CSMD3: variants seen among roughly 807,000 people sequenced by gnomAD.
CSMD3 encodes the protein CUB and Sushi multiple domains 3, also known as CUB and sushi domain-containing protein 3.
A neutral mutation model predicts 435.2 loss-of-function variants in CSMD3; 177 were observed. The observed-to-expected ratio is 0.41, with a 90% confidence interval of 0.36 to 0.46. The LOEUF (loss-of-function observed/expected upper bound fraction) is 0.46, where lower values mean the gene tolerates loss of function less well. CSMD3 is among the 20% of genes least tolerant of loss of function. The pLI, the probability that CSMD3 is intolerant of heterozygous loss-of-function variation, is 0.34. For synonymous variants in CSMD3, 1,656 were observed against 1,520.5 expected (o/e 1.09, Z -2.07); for missense variants, 4,265 against 4,504.6 (o/e 0.95, Z 1.52).
chr8:112,707,123 C>G (rs191717259), intron 13 of CSMD3, among the ~76,000 whole-genome samples: 1 of 151,722 alleles, frequency 6.6e-6, no homozygotes, highest in African/African-American at 2.4e-5. Flanking sequence ...TTTGAAAGAA[C>G]CTTAACTGCA....
chr8:113,336,132 A>G (rs2094072475), intron 1 of CSMD3, among the ~76,000 whole-genome samples: 1 of 151,664 alleles, frequency 6.6e-6, no homozygotes, highest in South Asian at 2.1e-4. Flanking sequence ...CCTGTTGTTC[A>G]GATTGAGTAA....
chr8:112,327,400 T>C (rs1033857579), intron 45 of CSMD3, among the ~76,000 whole-genome samples: 2 of 152,166 alleles, frequency 1.3e-5, no homozygotes, highest in African/African-American at 4.8e-5. Flanking sequence ...ATGACCTAAA[T>C]AAGTGAAATG....
chr8:112,773,814 C>T (rs545946091), intron 13 of CSMD3, among the ~76,000 whole-genome samples: 10 of 151,774 alleles, frequency 6.6e-5, no homozygotes, highest in Admixed American at 2.6e-4. Context: ...TATAAATAGA[C>T]GAAAAGTATA....
At chr8:112,472,978 C>A (rs1818679791) in intron 31 of CSMD3, among the ~76,000 whole-genome samples, 1 of 152,018 alleles carries the variant, frequency 6.6e-6, no homozygotes. Flanking sequence ...AATGGTGGCC[C>A]ACCTTTCATT....
chr8:112,289,399 A>G lies in CSMD3; in HGVS notation c.9114T>C (p.Asn3038=). ...LGQSSRTCQL[N]GHWSGSQPHC... is the part of the protein sequence containing the mutation. ...GAGGTTGTGATCCACTCCAATGGCC[A>G]TTCAATTGGCAGGTTCTTGATGACT... Residue 3038 remains asparagine (N), a synonymous_variant, in exon 57 of 71, where the codon AAT becomes AAC. Coordinates refer to ENST00000297405, the MANE Select transcript of CSMD3 (RefSeq NM_198123.2). The G allele has an allele frequency of 1.2e-6, 2 of 1,613,370 alleles. No individual in the cohort carries two copies. The highest frequency in any genetic ancestry group is 1.7e-6 in the Non-Finnish European group (2 of 1,179,538).
intron 35 of CSMD3, among the ~76,000 whole-genome samples, chr8:112,398,336 G>A (rs374167515): frequency 1.4e-4 from 22 of 152,242 alleles, no homozygotes; most frequent in African/African-American, 5.3e-4. Context: ...ACATACTACA[G>A]CTCTCACAGG....
At chr8:112,641,816 C>A (rs1368715515) in intron 20 of CSMD3, among the ~76,000 whole-genome samples, 1 of 151,874 alleles carries the variant, frequency 6.6e-6, no homozygotes, top group Non-Finnish European at 1.5e-5. Context: ...AGGGTGAGAA[C>A]CCATCTCAGG....
rs149536031 is a variant in CSMD3, at chr8:112,343,229, T to C, written c.6443-1543A>G. Among the ~76,000 whole-genome samples the C allele has an allele frequency of 7.5e-3, 1,146 of 152,008 alleles. 19 individuals carry two copies. Among genetic ancestry groups the C allele is most frequent in the African/African-American group, 0.026 (1,072 of 41,474 alleles). ...TGAAGATCATGTTATAATGAGATTA[T>C]TGAAACTATTTTTAATAATTCATTT... is the stretch of plus-strand genomic sequence containing the variant. On this transcript the variant is annotated intron_variant, in intron 41 of 70. Transcript: ENST00000297405.
intron 13 of CSMD3, among the ~76,000 whole-genome samples, chr8:112,741,100 G>C (rs2132054198): frequency 6.6e-6 from 1 of 151,934 alleles, no homozygotes; most frequent in East Asian, 1.9e-4. Context: ...CAGAAAGAAG[G>C]CAAGGAGTCA....
At chr8:113,008,081 A>C (rs2086123844) in intron 6 of CSMD3, among the ~76,000 whole-genome samples, 1 of 151,774 alleles carries the variant, frequency 6.6e-6, no homozygotes, top group African/African-American at 2.4e-5. Context: ...AGAAGTACTA[A>C]AAAGAAAAAA....
intron 42 of CSMD3, among the ~76,000 whole-genome samples, chr8:112,340,355 T>C (rs1478956476): frequency 1.3e-5 from 2 of 152,226 alleles, no homozygotes; most frequent in South Asian, 2.1e-4. Context: ...TCTTACATTA[T>C]GCACGCAAGT....
intron 1 of CSMD3, among the ~76,000 whole-genome samples, chr8:113,330,449 G>A (rs1332605136): frequency 6.6e-6 from 1 of 151,906 alleles, no homozygotes; most frequent in Non-Finnish European, 1.5e-5. Context: ...ACAAGAATAA[G>A]TTCTGCCTTG....
chr8:112,429,946 A>G (rs1427177536), intron 32 of CSMD3, among the ~76,000 whole-genome samples: 1 of 151,992 alleles, frequency 6.6e-6, no homozygotes, highest in Non-Finnish European at 1.5e-5. Flanking sequence ...GATAAGAAGA[A>G]ATTGAGGTCA....
At chr8:113,362,967 T>C (rs1364802739) in intron 1 of CSMD3, among the ~76,000 whole-genome samples, 1 of 152,200 alleles carries the variant, frequency 6.6e-6, no homozygotes, top group Admixed American at 6.5e-5. Context: ...ATTGAATCTG[T>C]ATTCCTTAAA....
chr8:113,033,432 A>C, intron 5 of CSMD3, among the ~76,000 whole-genome samples: 1 of 151,578 alleles, frequency 6.6e-6, no homozygotes, highest in East Asian at 1.9e-4. Flanking sequence ...TTTAAGATTT[A>C]ATGACTGCCC....
chr8:112,777,224 G>A (rs2078268734), intron 13 of CSMD3, among the ~76,000 whole-genome samples: 1 of 151,772 alleles, frequency 6.6e-6, no homozygotes, highest in Non-Finnish European at 1.5e-5. Flanking sequence ...TTAAGTAAAA[G>A]CAATATGAAA....
intron 59 of CSMD3, among the ~76,000 whole-genome samples, chr8:112,274,776 C>A (rs746182637): frequency 1.3e-5 from 2 of 152,038 alleles, no homozygotes; most frequent in Non-Finnish European, 2.9e-5. Context: ...GAAGTCCTTC[C>A]AGTGGAAGAA....
At chr8:112,738,060 AC>A in intron 13 of CSMD3, among the ~76,000 whole-genome samples, 1 of 151,946 alleles carries the variant, frequency 6.6e-6, no homozygotes, top group East Asian at 1.9e-4. Flanking sequence ...ACATGTAAGC[AC>A]ACAGTGATAA....
intron 2 of CSMD3, among the ~76,000 whole-genome samples, chr8:113,298,994 T>G (rs946944316): frequency 6.6e-6 from 1 of 152,198 alleles, no homozygotes; most frequent in Admixed American, 6.6e-5. Flanking sequence ...ATTTTTATAC[T>G]GTAGTCTAAC....
Sources: allele counts gnomAD v4.1 joint callset (sites outside exome capture counted in the v4.1 genomes callset), GRCh38; gene constraint gnomAD v4.1.1; transcripts MANE v1.5; gene names NCBI Gene and HGNC (gene_info 2026-07-23, HGNC 2026-07-21).